SESN3: variants seen among roughly 807,000 people sequenced by gnomAD.
The protein encoded by SESN3 is sestrin 3, also known as sestrin-3.
Under a neutral mutation model 55.3 loss-of-function variants are expected in SESN3, and 21 were observed. That is an observed-to-expected ratio of 0.38 (90% CI 0.27 to 0.55). SESN3 has a LOEUF of 0.55. Ranked by LOEUF, SESN3 falls within the 20% of genes least tolerant of loss-of-function variation. The probability of loss-of-function intolerance (pLI) is 0.76; values close to 1 mark genes in which losing one functional copy is unlikely to be tolerated. For synonymous variants in SESN3, 181 were observed against 203.1 expected (o/e 0.89, Z 0.93); for missense variants, 408 against 604.3 (o/e 0.68, Z 3.41).
At position 95,166,753 on chromosome 11, in the gene SESN3, C is replaced by G. The variant is rs888521994; in HGVS notation, c.*6502G>C. The G allele has an allele frequency of 6.6e-6, 1 of 152,184 alleles. No homozygotes were observed. Among genetic ancestry groups the G allele is most frequent in the Non-Finnish European group, 1.5e-5 (1 of 68,028 alleles). 9.4% of individuals were successfully genotyped at this position (152,184 alleles called of 1,614,324 possible). ...TATGTGTATGTGCCTATACTAGTAGCACTGAGAAGATGCCAAACTGGCTGT... is the reference window on the plus strand; with the variant it reads ...TATGTGTATGTGCCTATACTAGTAGGACTGAGAAGATGCCAAACTGGCTGT... On this transcript the variant is annotated 3_prime_UTR_variant, in exon 10 of 10. Transcript: ENST00000536441.
chr11:95,231,386 A>C (rs894207135), upstream of SESN3: 6 of 371,462 alleles, frequency 1.6e-5, no homozygotes, highest in Non-Finnish European at 2.9e-5. Context: ...TCTCCGGGCA[A>C]GTTAAGTTTA....
Position 95,167,475 on chromosome 11 carries a change from C to CAT in SESN3, c.*5778_*5779dup, listed in dbSNP as rs1555116721. 6.6e-6 allele frequency: 1 copy of CAT among 150,826 alleles called. No homozygotes were observed. Among genetic ancestry groups the CAT allele is most frequent in the Non-Finnish European group, 1.5e-5 (1 of 67,996 alleles). The allele number at this position is 150,826 out of a possible 1,614,324, so 9.3% of individuals were successfully genotyped here. A position where few individuals can be genotyped will look rare whatever the true frequency, so the allele number is the denominator to read the frequency against. On this transcript the variant is annotated 3_prime_UTR_variant, in exon 10 of 10. Transcript: ENST00000536441. Reference sequence around the variant, plus strand: ...TCAGATATTCATTCTGTTTCCCCCCCATATATATAATTTTTCATTCTGTAC... The same window carrying CAT: ...TCAGATATTCATTCTGTTTCCCCCCCATATATATATAATTTTTCATTCTGTAC...
At position 95,167,468 on chromosome 11, in the gene SESN3, T is replaced by C. The variant is rs1200590197; in HGVS notation, c.*5787A>G. The C allele has an allele frequency of 2.0e-5, 3 of 148,970 alleles. No individual in the cohort carries two copies. The highest frequency in any genetic ancestry group is 3.9e-4 in the East Asian group (2 of 5,166). 9.2% of individuals were successfully genotyped at this position (148,970 alleles called of 1,614,324 possible). A position where few individuals can be genotyped will look rare whatever the true frequency, so the allele number is the denominator to read the frequency against. On this transcript the variant is annotated 3_prime_UTR_variant, in exon 10 of 10. Coordinates refer to ENST00000536441, the MANE Select transcript of SESN3 (RefSeq NM_144665.4). The stretch of plus-strand genomic sequence containing the variant: ...AAAAGAATCAGATATTCATTCTGTT[T>C]CCCCCCCATATATATAATTTTTCAT...
At chr11:95,219,382 A>AT (rs1226185650) in intron 1 of SESN3, among the ~76,000 whole-genome samples, 1 of 152,112 alleles carries the variant, frequency 6.6e-6, no homozygotes, top group East Asian at 1.9e-4. Flanking sequence ...TACTTTACTA[A>AT]TTTACACCAA....
intron 1 of SESN3, among the ~76,000 whole-genome samples, chr11:95,221,122 G>C (rs1370622274): frequency 6.6e-6 from 1 of 152,056 alleles, no homozygotes; most frequent in Non-Finnish European, 1.5e-5. Context: ...GGCCAACATG[G>C]TGAAACCCCG....
intron 1 of SESN3, among the ~76,000 whole-genome samples, chr11:95,197,406 T>C (rs2134240914): frequency 6.6e-6 from 1 of 151,954 alleles, no homozygotes; most frequent in East Asian, 1.9e-4. Context: ...TCTACCTCCT[T>C]CTGGGCAACT....
chr11:95,214,663 TA>T (rs925238999), intron 1 of SESN3, among the ~76,000 whole-genome samples: 32 of 152,174 alleles, frequency 2.1e-4, no homozygotes, highest in African/African-American at 7.2e-4. Flanking sequence ...AAAGAATTTT[TA>T]AAAAACAACA....
At chr11:95,205,458 C>G (rs1167333026) in intron 1 of SESN3, among the ~76,000 whole-genome samples, 1 of 152,170 alleles carries the variant, frequency 6.6e-6, no homozygotes, top group East Asian at 1.9e-4. Context: ...AGCTAGTTAG[C>G]AGACTAAACA....
At chr11:95,229,640 A>T (rs2134276426) in intron 1 of SESN3, among the ~76,000 whole-genome samples, 1 of 152,270 alleles carries the variant, frequency 6.6e-6, no homozygotes, top group South Asian at 2.1e-4. Context: ...CAAATATTTG[A>T]GCTTGCTTAC....
In SESN3 at chr11:95,175,537, C is replaced by T. The variant is rs754224018; in HGVS notation, c.1353G>A (p.Met451Ile). The change falls in exon 9 of 10, where the codon ATG becomes ATA. Residue 451 changes from methionine to isoleucine, a missense_variant. Physicochemically the swap from Met to Ile is conservative, Grantham distance 10. Coordinates refer to ENST00000536441, the MANE Select transcript of SESN3 (RefSeq NM_144665.4). Reference protein sequence around the residue: ...TCYPERTTKRMYDSYWRQFKH... With the variant: ...TCYPERTTKRIYDSYWRQFKH... ...TGAACTGCCGCCAGTAACTATCATA[C>T]ATGCGTTTTGTAGTTCTCTCAGGAT... 6.2e-7 allele frequency: 1 copy of T among 1,613,994 alleles called. No individual in the cohort carries two copies. The highest frequency in any genetic ancestry group is 1.1e-5 in the South Asian group (1 of 91,082).
intron 1 of SESN3, among the ~76,000 whole-genome samples, chr11:95,206,365 TACAC>T (rs3032056): frequency 0.16 from 22,536 of 140,230 alleles, 1,714 homozygotes; most frequent in Middle Eastern, 0.25. Context: ...AGTCCTAAAA[TACAC>T]ACACACACAC....
Position 95,231,176 on chromosome 11 carries a change from A to ACCGCCGCCG in SESN3, c.-317_-316insCGGCGGCGG. 3.8e-6 allele frequency: 1 copy of ACCGCCGCCG among 264,600 alleles called. No individual in the cohort carries two copies. The allele number at this position is 264,600 out of a possible 1,614,324, so 16.4% of individuals were successfully genotyped here. On this transcript the variant is annotated 5_prime_UTR_variant, in exon 1 of 10. Transcript: ENST00000536441. ...AGCAGCCGCCACCGCTGCCACCGCC[A>ACCGCCGCCG]CCACCGCCGCCGCAGCGCCTCAGTG...
At chr11:95,216,349 G>C (rs1860756514) in intron 1 of SESN3, among the ~76,000 whole-genome samples, 1 of 152,272 alleles carries the variant, frequency 6.6e-6, no homozygotes, top group East Asian at 1.9e-4. Flanking sequence ...GAAATGGACA[G>C]GTTAGGACTG....
At chr11:95,193,326 T>C in intron 2 of SESN3, 131 bp downstream of exon 2, 1 of 626,860 alleles carries the variant, frequency 1.6e-6, no homozygotes, top group Non-Finnish European at 2.8e-6. Flanking sequence ...ATCTCCATGG[T>C]TTTCTGACAT....
intron 1 of SESN3, among the ~76,000 whole-genome samples, chr11:95,211,260 C>T (rs372265473): frequency 2.0e-5 from 3 of 152,170 alleles, no homozygotes; most frequent in African/African-American, 7.2e-5. Flanking sequence ...AAGTGCACTG[C>T]ATGGTGTGCA....
intron 1 of SESN3, chr11:95,224,337 A>G: frequency 2.9e-6 from 1 of 350,376 alleles, no homozygotes; most frequent in South Asian, 2.2e-5. Context: ...TTACCCATAT[A>G]TGATTCTGAT....
chr11:95,182,129 A>AG (rs1324327726), intron 6 of SESN3: 1 of 332,488 alleles, frequency 3.0e-6, no homozygotes, highest in Non-Finnish European at 5.9e-6. Flanking sequence ...AGTTCCAAGA[A>AG]GGTAGAGACT....
rs143113391 is a variant in SESN3 at position 95,229,221 on chromosome 11, A to G, written c.78+1562T>C. Among the ~76,000 whole-genome samples, 29 of 152,332 alleles carry G rather than the reference A, an allele frequency of 1.9e-4. 1 individual carries two copies. The East Asian group carries it at 5.6e-3, about 29-fold the overall frequency. ...TAAGAAATAAATTTTTTTGAAAGCT[A>G]AGTTCAGATGACATCTGGCCCTGCA... On this transcript the variant is annotated intron_variant, in intron 1 of 9. Transcript: ENST00000536441.
chr11:95,189,774 A>G lies in SESN3; in HGVS notation c.525+5T>C. 1.3e-6 allele frequency: 2 copies of G among 1,579,996 alleles called. No homozygotes were observed. Among genetic ancestry groups the G allele is most frequent in the Non-Finnish European group, 1.7e-6 (2 of 1,167,026 alleles). ...TCCTTTTTATTTCAAAGAAACATTC[A>G]GTACCTGAATGTGCTCTTTTGTGAT... On this transcript the variant is annotated splice_donor_5th_base_variant and intron_variant, in intron 4 of 9. Transcript: ENST00000536441.
Sources: allele counts gnomAD v4.1 joint callset (sites outside exome capture counted in the v4.1 genomes callset), GRCh38; gene constraint gnomAD v4.1.1; transcripts MANE v1.5; gene names NCBI Gene and HGNC (gene_info 2026-07-23, HGNC 2026-07-21).